Variants in MRTFA observed in about 807,000 individuals in gnomAD.
MRTFA encodes myocardin-related transcription factor A.
A neutral mutation model predicts 83.5 loss-of-function variants in MRTFA; 20 were observed. The ratio of observed to expected loss-of-function variants is 0.24; its 90% CI spans 0.17 to 0.35. MRTFA has a LOEUF of 0.35. Among genes scored for constraint, MRTFA ranks in the 10% least tolerant of loss-of-function variants. The probability of loss-of-function intolerance (pLI) is 1.00; values close to 1 mark genes in which losing one functional copy is unlikely to be tolerated. For synonymous variants in MRTFA, 659 were observed against 541.2 expected (o/e 1.22, Z -3.02); for missense variants, 1,200 against 1,224.7 (o/e 0.98, Z 0.30).
At chr22:40,595,278 G>A (rs536946947) in intron 1 of MRTFA, among the ~76,000 whole-genome samples, 7 of 151,754 alleles carry the variant, frequency 4.6e-5, no homozygotes, top group African/African-American at 1.5e-4. Flanking sequence ...GCACCATTAC[G>A]TCGGGCTATT....
intron 3 of MRTFA, among the ~76,000 whole-genome samples, chr22:40,531,436 A>C (rs1362189207): frequency 1.3e-5 from 2 of 151,818 alleles, no homozygotes; most frequent in African/African-American, 4.8e-5. Flanking sequence ...CAAAACCCCC[A>C]AGCTCCAAAT....
chr22:40,420,574 G>C lies in MRTFA; in HGVS notation c.1184C>G (p.Ser395Ter), dbSNP rs771335098. 1 of 1,612,812 alleles carries C rather than the reference G, an allele frequency of 6.2e-7. No homozygotes were observed. The highest frequency in any genetic ancestry group is 8.5e-7 in the Non-Finnish European group (1 of 1,179,744). Residue 395 changes from serine (S) to a stop codon, truncating the protein, a stop_gained and splice_region_variant, in exon 11 of 15, where the codon TCA becomes TGA. Coordinates refer to ENST00000355630, the MANE Select transcript of MRTFA (RefSeq NM_020831.6). LOFTEE classifies it high-confidence loss of function. ...GCTGCTTCCCAGGGCCTCGCCTGCT[G>C]ACCTGGGAAGAAAAGGCAGAAATTA...
chr22:40,519,445 TTGTTTTAGCGTTACCTACCAG>T (rs1569308526), intron 3 of MRTFA: 1 of 1,335,034 alleles, frequency 7.5e-7, no homozygotes, highest in South Asian at 1.2e-5. Context: ...GAAGGCGATG[TTGTTTTAGCGTTACCTACCAG>T]TGCTGCCCTC....
chr22:40,603,585 G>A (rs2147399334), intron 1 of MRTFA, among the ~76,000 whole-genome samples: 1 of 152,250 alleles, frequency 6.6e-6, no homozygotes, highest in East Asian at 1.9e-4. Flanking sequence ...GAGATTCAAG[G>A]AGACAAACGG....
intron 3 of MRTFA, among the ~76,000 whole-genome samples, chr22:40,477,828 A>C (rs1306020445): frequency 6.6e-6 from 1 of 152,062 alleles, no homozygotes; most frequent in Non-Finnish European, 1.5e-5. Context: ...GAGGAGGGAA[A>C]GGAATGAAAA....
chr22:40,429,239 T>C (rs1036055137), intron 7 of MRTFA: 1 of 595,332 alleles, frequency 1.7e-6, no homozygotes, highest in Non-Finnish European at 3.0e-6. Flanking sequence ...ACTTCACTAA[T>C]AAAGAGTATG....
intron 3 of MRTFA, among the ~76,000 whole-genome samples, chr22:40,505,365 C>T (rs779307277): frequency 1.3e-5 from 2 of 152,138 alleles, no homozygotes; most frequent in Admixed American, 6.5e-5. Context: ...GTTTTGAGGT[C>T]AAGGGTTTAA....
intron 7 of MRTFA, among the ~76,000 whole-genome samples, chr22:40,424,626 G>A (rs548419333): frequency 6.6e-6 from 1 of 152,206 alleles, no homozygotes; most frequent in Non-Finnish European, 1.5e-5. Flanking sequence ...CTCATGGGCC[G>A]AGCAAACGCC....
rs368845825 is a variant in MRTFA, at chr22:40,496,925, T to TA, written c.242-33640dup. Among the ~76,000 whole-genome samples the TA allele has an allele frequency of 1.8e-3, 273 of 152,362 alleles. 1 individual carries two copies. The highest frequency in any genetic ancestry group is 2.9e-3 in the Admixed American group (44 of 15,302). On this transcript the variant is annotated intron_variant, in intron 3 of 14. Transcript: ENST00000355630. The stretch of plus-strand genomic sequence containing the variant: ...TGGCTGGAGTAGACAAGGTGTCCTC[T>TA]ATCTCTAAAATGGAATGGTTCTCTA...
intron 3 of MRTFA, among the ~76,000 whole-genome samples, chr22:40,540,991 A>T (rs1486071728): frequency 6.6e-6 from 1 of 152,132 alleles, no homozygotes; most frequent in Non-Finnish European, 1.5e-5. Flanking sequence ...GCTCTGCTAA[A>T]ATTTTCATTA....
At position 40,541,908 on chromosome 22, in the gene MRTFA, A is replaced by C. The variant is rs8138928; in HGVS notation, c.241+10198T>G. Among the ~76,000 whole-genome samples the C allele has an allele frequency of 2.1e-3, 324 of 152,120 alleles. 1 individual carries two copies. Among genetic ancestry groups the C allele is most frequent in the South Asian group, 2.7e-3 (13 of 4,812 alleles). On this transcript the variant is annotated intron_variant, in intron 3 of 14. Transcript: ENST00000355630. ...GTCTTGAACTCCTGACCTCATAATC[A>C]GCCTGCCTCGGCCTCCCAAAGCGCT...
At chr22:40,420,780 C>T (rs988859413) in intron 10 of MRTFA, 67 bp downstream of exon 10, 29 of 1,598,044 alleles carry the variant, frequency 1.8e-5, no homozygotes, top group Non-Finnish European at 2.5e-5. Context: ...CCCACCAGAC[C>T]TGGCACCTGC....
At chr22:40,590,496 G>A (rs574870602) in intron 2 of MRTFA, among the ~76,000 whole-genome samples, 14 of 151,616 alleles carry the variant, frequency 9.2e-5, no homozygotes, top group Admixed American at 4.6e-4. Flanking sequence ...GTGAAACCCC[G>A]TCTCTACTAA....
intron 2 of MRTFA, among the ~76,000 whole-genome samples, chr22:40,559,020 G>A (rs2096164540): frequency 1.3e-5 from 2 of 152,206 alleles, no homozygotes; most frequent in Admixed American, 1.3e-4. Flanking sequence ...GACCTCAGGT[G>A]ATCCACCTGC....
chr22:40,456,477 C>G (rs937540815), intron 4 of MRTFA, among the ~76,000 whole-genome samples: 2 of 152,086 alleles, frequency 1.3e-5, no homozygotes, highest in African/African-American at 4.8e-5. Context: ...CATTTTGAGC[C>G]CAGAGTTTGA....
intron 1 of MRTFA, among the ~76,000 whole-genome samples, chr22:40,623,320 T>C (rs907052575): frequency 3.9e-4 from 21 of 54,436 alleles, no homozygotes; most frequent in African/African-American, 9.4e-4. Context: ...GATACTGTCT[T>C]TTTTTTTTAT....
chr22:40,534,106 A>C (rs143740792), intron 3 of MRTFA, among the ~76,000 whole-genome samples: 177 of 152,354 alleles, frequency 1.2e-3, no homozygotes, highest in African/African-American at 3.9e-3. Flanking sequence ...GAAGCAGTCC[A>C]ATTACTGACC....
intron 4 of MRTFA, among the ~76,000 whole-genome samples, chr22:40,457,463 A>AAAGAAAGAAAGAAAGAAAGAAAGG: frequency 6.6e-6 from 1 of 150,942 alleles, no homozygotes; most frequent in South Asian, 2.1e-4. Flanking sequence ...AGAAAGAAAG[A>AAAGAAAGAAAGAAAGAAAGAAAGG]AAGAAAGAAA....
At chr22:40,475,911 G>A (rs923482610) in intron 3 of MRTFA, among the ~76,000 whole-genome samples, 3 of 152,154 alleles carry the variant, frequency 2.0e-5, no homozygotes, top group Non-Finnish European at 4.4e-5. Flanking sequence ...TCGGGAGGCC[G>A]AGGCGGGTGG....
Sources: gnomAD v4.1 joint callset for allele counts (sites outside exome capture counted in the v4.1 genomes callset) on GRCh38, gnomAD v4.1.1 for gene constraint, MANE v1.5 for transcripts, NCBI Gene and HGNC (gene_info 2026-07-23, HGNC 2026-07-21) for gene names.